CSMD1: variants seen among roughly 807,000 people sequenced by gnomAD.
CSMD1 encodes CUB and Sushi multiple domains 1, also known as CUB and sushi domain-containing protein 1.
CSMD1 carries 213 observed loss-of-function variants against 417.5 expected under a neutral mutation model. That is an observed-to-expected ratio of 0.51 (90% CI 0.46 to 0.57). The LOEUF is 0.57. Among genes scored for constraint, CSMD1 ranks in the 20% least tolerant of loss-of-function variants. CSMD1 has a pLI of 0.00. For missense variants in CSMD1, 6,923 were observed against 4,529.7 expected, an observed-to-expected ratio of 1.53 and a Z score of -15.17; for synonymous variants, 2,862 against 1,736.8, an observed-to-expected ratio of 1.65 and a Z score of -16.11.
Position 3,803,531 on chromosome 8 carries a change from C to A in CSMD1, c.819-49489G>T, listed in dbSNP as rs142172608. ...GCACAGAAAACCCAGGGGCTGGGCC[C>A]AGGACAGAGGTACGCAGGAGCCCAC... On this transcript the variant is annotated intron_variant, in intron 5 of 69. Transcript: ENST00000635120. Among the ~76,000 whole-genome samples, 1,056 of 152,226 alleles carry A rather than the reference C, an allele frequency of 6.9e-3. 7 individuals are homozygous for A. Among genetic ancestry groups the A allele is most frequent in the Middle Eastern group, 0.017 (5 of 294 alleles).
chr8:4,286,807 C>T (rs1490848024), intron 3 of CSMD1, among the ~76,000 whole-genome samples: 1 of 152,180 alleles, frequency 6.6e-6, no homozygotes, highest in Non-Finnish European at 1.5e-5. Flanking sequence ...CCTAGAAAAC[C>T]AAAAGTTGAT....
intron 2 of CSMD1, among the ~76,000 whole-genome samples, chr8:4,429,283 A>G (rs1160950163): frequency 2.0e-5 from 3 of 152,060 alleles, no homozygotes; most frequent in Non-Finnish European, 4.4e-5. Context: ...GTTGAAGAGA[A>G]TAATTTCTCA....
intron 1 of CSMD1, among the ~76,000 whole-genome samples, chr8:4,865,033 T>C (rs1802346301): frequency 6.6e-6 from 1 of 151,650 alleles, no homozygotes; most frequent in Non-Finnish European, 1.5e-5. Flanking sequence ...TTTTTGTGTT[T>C]GCTTTATTTT....
At chr8:4,132,358 G>A (rs867576580) in intron 3 of CSMD1, among the ~76,000 whole-genome samples, 15 of 152,014 alleles carry the variant, frequency 9.9e-5, no homozygotes, top group African/African-American at 3.6e-4. Context: ...TGTATTTCTT[G>A]TAGAATACAT....
At chr8:4,427,577 C>A (rs1360617541) in intron 2 of CSMD1, among the ~76,000 whole-genome samples, 1 of 151,986 alleles carries the variant, frequency 6.6e-6, no homozygotes, top group East Asian at 1.9e-4. Flanking sequence ...ATTAAAATGT[C>A]CGCCATCATT....
At chr8:3,213,699 A>G (rs1210648205) in intron 30 of CSMD1, among the ~76,000 whole-genome samples, 1 of 150,994 alleles carries the variant, frequency 6.6e-6, no homozygotes, top group Non-Finnish European at 1.5e-5. Flanking sequence ...ATGTATATAT[A>G]TAAAAATATA....
At position 3,139,223 on chromosome 8, in the gene CSMD1, G is replaced by A. The variant is rs530263497; in HGVS notation, c.6241+3242C>T. On this transcript the variant is annotated intron_variant, in intron 41 of 69. Coordinates refer to ENST00000635120, the MANE Select transcript of CSMD1 (RefSeq NM_033225.6). ...GGAGGCACAGGCACAAGAGTTATCA[G>A]CTGTGAATGGCCATCATGGGCTTTG... 2.6e-5 allele frequency among the ~76,000 whole-genome samples: 4 copies of A among 152,302 alleles called. 1 individual carries two copies. In the South Asian group the frequency reaches 8.3e-4, roughly 32 times the overall value.
intron 1 of CSMD1, among the ~76,000 whole-genome samples, chr8:4,923,423 G>C (rs183270185): frequency 6.6e-6 from 1 of 152,084 alleles, no homozygotes; most frequent in East Asian, 1.9e-4. Context: ...TGTTGGAGGG[G>C]ATGGATATAC....
chr8:4,639,864 A>C (rs1196204081), intron 1 of CSMD1, among the ~76,000 whole-genome samples: 1 of 152,192 alleles, frequency 6.6e-6, no homozygotes, highest in Non-Finnish European at 1.5e-5. Flanking sequence ...CAGAGAACTA[A>C]TAAAAAGCCC....
At chr8:3,783,328 G>A (rs1367084269) in intron 5 of CSMD1, among the ~76,000 whole-genome samples, 9 of 152,220 alleles carry the variant, frequency 5.9e-5, no homozygotes, top group African/African-American at 2.4e-5. Context: ...GCAGATGGCA[G>A]GTTTTTCAAG....
chr8:3,698,543 C>A (rs1479370194), intron 7 of CSMD1, among the ~76,000 whole-genome samples: 1 of 152,240 alleles, frequency 6.6e-6, no homozygotes, highest in African/African-American at 2.4e-5. Context: ...GGCATGCCTG[C>A]TTCTGCAGCA....
At chr8:3,359,502 C>T (rs1291089998) in intron 20 of CSMD1, among the ~76,000 whole-genome samples, 162 bp from the exon 21 acceptor site, 8 of 145,634 alleles carry the variant, frequency 5.5e-5, no homozygotes, top group Non-Finnish European at 9.0e-5. Context: ...TTTTCTTGTA[C>T]TATGAACTGT....
At chr8:3,038,045 T>C (rs1585202949) in intron 50 of CSMD1, among the ~76,000 whole-genome samples, 1 of 152,344 alleles carries the variant, frequency 6.6e-6, no homozygotes. Flanking sequence ...TTATTTTTTA[T>C]ACTATGGTTA....
chr8:3,088,754 G>C (rs1814715046), intron 48 of CSMD1, among the ~76,000 whole-genome samples: 2 of 143,682 alleles, frequency 1.4e-5, no homozygotes, highest in Admixed American at 7.2e-5. Context: ...ATTCTTCTAA[G>C]TTTTGAATGA....
Position 3,096,910 on chromosome 8 carries a change from A to G in CSMD1, c.7077T>C (p.Ile2359=). 6.4e-7 allele frequency: 1 copy of G among 1,557,312 alleles called. No homozygotes were observed. The highest frequency in any genetic ancestry group is 1.2e-5 in the South Asian group (1 of 84,478). ...WSIKVEPNYN[I]TIFVDTFQSE... ...TTTGAAATGTGTCCACAAAGATGGT[A>G]ATGTTGTAGTTTGGTTCCACTTTAA... is the stretch of plus-strand genomic sequence containing the variant. Residue 2359 remains isoleucine, a synonymous_variant, in exon 47 of 70, where the codon ATT becomes ATC. Transcript: ENST00000635120.
chr8:4,128,986 G>C (rs1290252544), intron 3 of CSMD1, among the ~76,000 whole-genome samples: 1 of 146,610 alleles, frequency 6.8e-6, no homozygotes, highest in Non-Finnish European at 1.5e-5. Context: ...TGAGGCAGGA[G>C]AGTTGCTTGA....
chr8:3,448,859 T>G (rs551007046), intron 12 of CSMD1, among the ~76,000 whole-genome samples: 1 of 152,194 alleles, frequency 6.6e-6, no homozygotes, highest in Non-Finnish European at 1.5e-5. Flanking sequence ...TCCACTAATT[T>G]TGGAAAACTT....
intron 18 of CSMD1, among the ~76,000 whole-genome samples, chr8:3,382,026 G>A (rs1339616326): frequency 3.3e-5 from 5 of 152,158 alleles, no homozygotes; most frequent in Non-Finnish European, 7.4e-5. Context: ...GGGAGGCCGA[G>A]GCAGGCAGAT....
At chr8:4,210,121 T>C (rs1004917487) in intron 3 of CSMD1, among the ~76,000 whole-genome samples, 13 of 152,206 alleles carry the variant, frequency 8.5e-5, no homozygotes, top group Non-Finnish European at 1.5e-4. Context: ...ATTTTCCTCC[T>C]TCCTGGGCAA....
Sources: gnomAD v4.1 joint callset for allele counts (sites outside exome capture counted in the v4.1 genomes callset) on GRCh38, gnomAD v4.1.1 for gene constraint, MANE v1.5 for transcripts, NCBI Gene and HGNC (gene_info 2026-07-23, HGNC 2026-07-21) for gene names.